Variants in KAZN observed in about 807,000 individuals in gnomAD.
KAZN encodes the protein kazrin.
A neutral mutation model predicts 87.4 loss-of-function variants in KAZN; 40 were observed. The observed-to-expected ratio is 0.46, with a 90% CI of 0.36 to 0.60. The LOEUF (loss-of-function observed/expected upper bound fraction) is 0.60, where lower values mean the gene tolerates loss of function less well. Ranked by LOEUF, KAZN falls within the 20% of genes least tolerant of loss-of-function variation. KAZN has a pLI of 0.00. For missense variants in KAZN, 898 were observed against 1,073.9 expected (o/e 0.84, Z 2.29); for synonymous variants, 466 against 458.3 (o/e 1.02, Z -0.22).
At chr1:14,101,071 G>A (rs999230798) in intron 1 of KAZN, among the ~76,000 whole-genome samples, 5 of 152,176 alleles carry the variant, frequency 3.3e-5, no homozygotes, top group East Asian at 1.9e-4. Context: ...TCTTTCATTC[G>A]TAAATTACCC....
intron 2 of KAZN, among the ~76,000 whole-genome samples, chr1:14,388,605 A>G (rs1036925789): frequency 1.3e-5 from 2 of 152,226 alleles, no homozygotes; most frequent in African/African-American, 4.8e-5. Flanking sequence ...TGGGAAAAAA[A>G]GTCTCTTCAA....
At chr1:14,042,235 C>T (rs1641869477) in intron 1 of KAZN, among the ~76,000 whole-genome samples, 1 of 151,968 alleles carries the variant, frequency 6.6e-6, no homozygotes, top group African/African-American at 2.4e-5. Context: ...ACTCCTTTTA[C>T]AGAACCTGCT....
At chr1:14,429,115 T>C (rs1295943133) in intron 2 of KAZN, among the ~76,000 whole-genome samples, 1 of 152,112 alleles carries the variant, frequency 6.6e-6, no homozygotes, top group Non-Finnish European at 1.5e-5. Flanking sequence ...GGAGGGACCG[T>C]GTCATATAAG....
At chr1:14,710,643 T>C (rs555868059) in intron 1 of KAZN, among the ~76,000 whole-genome samples, 1 of 152,316 alleles carries the variant, frequency 6.6e-6, no homozygotes, top group African/African-American at 2.4e-5. Flanking sequence ...GGATTGATCC[T>C]CACTTCCTGC....
intron 8 of KAZN, among the ~76,000 whole-genome samples, chr1:15,083,576 G>A (rs371957648): frequency 1.8e-4 from 28 of 152,302 alleles, no homozygotes; most frequent in Middle Eastern, 6.8e-3. Context: ...GGACAGACAC[G>A]CAGAGCCCCA....
intron 2 of KAZN, among the ~76,000 whole-genome samples, chr1:14,350,220 A>G (rs1266679841): frequency 1.3e-5 from 2 of 151,740 alleles, no homozygotes; most frequent in Admixed American, 6.6e-5. Flanking sequence ...CTCTGGATCT[A>G]TCTGACCCCT....
At chr1:13,932,008 A>ATTTTTTTTTTTT (rs35231877) in intron 1 of KAZN, among the ~76,000 whole-genome samples, 5 of 122,916 alleles carry the variant, frequency 4.1e-5, no homozygotes, top group African/African-American at 1.6e-4. Flanking sequence ...GGCTTGGCTA[A>ATTTTTTTTTTTT]TTTTTTTTTT....
intron 1 of KAZN, among the ~76,000 whole-genome samples, chr1:14,932,368 A>G (rs1406907447): frequency 2.6e-5 from 4 of 151,986 alleles, no homozygotes; most frequent in Admixed American, 6.5e-5. Flanking sequence ...TGTGTCAGCC[A>G]GACAGTGGAG....
chr1:14,049,696 T>C (rs1161989234), intron 1 of KAZN, among the ~76,000 whole-genome samples: 1 of 152,158 alleles, frequency 6.6e-6, no homozygotes, highest in East Asian at 1.9e-4. Context: ...CTCCTTTCCT[T>C]CTGTTCTTCT....
intron 2 of KAZN, among the ~76,000 whole-genome samples, chr1:14,457,884 C>T (rs2148343762): frequency 6.7e-6 from 1 of 149,110 alleles, no homozygotes; most frequent in East Asian, 2.0e-4. Context: ...GTGGTGCAAT[C>T]TCGGCTCACT....
At chr1:14,338,866 T>C (rs1657474242) in intron 2 of KAZN, among the ~76,000 whole-genome samples, 1 of 152,204 alleles carries the variant, frequency 6.6e-6, no homozygotes, top group Admixed American at 6.5e-5. Flanking sequence ...ATGTTGCTCG[T>C]AGCTGAAAGC....
At chr1:13,945,582 T>A (rs6672979) in intron 1 of KAZN, among the ~76,000 whole-genome samples, 1 of 150,680 alleles carries the variant, frequency 6.6e-6, no homozygotes, top group African/African-American at 2.4e-5. Context: ...TATATAGCAA[T>A]GAATGGTAAA....
At chr1:14,229,509 G>C (rs1333761620) in intron 2 of KAZN, among the ~76,000 whole-genome samples, 1 of 152,232 alleles carries the variant, frequency 6.6e-6, no homozygotes, top group Admixed American at 6.5e-5. Context: ...AAGATGAACA[G>C]ATGTAAAGAA....
intron 1 of KAZN, among the ~76,000 whole-genome samples, chr1:14,693,484 T>TA (rs2148789937): frequency 6.6e-6 from 1 of 152,334 alleles, no homozygotes; most frequent in South Asian, 2.1e-4. Context: ...GGACTCGTCT[T>TA]ACGTTGTTTT....
intron 1 of KAZN, among the ~76,000 whole-genome samples, chr1:14,827,376 A>G (rs574694528): frequency 3.9e-4 from 59 of 152,074 alleles, no homozygotes; most frequent in Non-Finnish European, 7.6e-4. Flanking sequence ...TGTACACTGA[A>G]CCCAACGTGT....
chr1:14,527,403 G>T (rs547928523), intron 2 of KAZN, among the ~76,000 whole-genome samples: 3 of 152,092 alleles, frequency 2.0e-5, no homozygotes, highest in Non-Finnish European at 4.4e-5. Context: ...GCAAAAATTA[G>T]CCAGGCGTGG....
chr1:14,470,930 G>T (rs1308043485), intron 2 of KAZN, among the ~76,000 whole-genome samples: 1 of 152,214 alleles, frequency 6.6e-6, no homozygotes, highest in East Asian at 1.9e-4. Context: ...GGAGCCAGCT[G>T]CATGTTGTGA....
chr1:15,063,134 G>A (rs1201237720), intron 6 of KAZN: 1 of 175,092 alleles, frequency 5.7e-6, no homozygotes, highest in Non-Finnish European at 1.2e-5. Context: ...GGTTGTGGGG[G>A]AAGCTAGAGG....
chr1:14,772,631 C>G (rs946810848), intron 1 of KAZN, among the ~76,000 whole-genome samples: 2 of 152,148 alleles, frequency 1.3e-5, no homozygotes, highest in African/African-American at 4.8e-5. Flanking sequence ...CCTTGACCTG[C>G]CAGGTCACCT....
Sources: gnomAD v4.1 joint callset for allele counts (sites outside exome capture counted in the v4.1 genomes callset) on GRCh38, gnomAD v4.1.1 for gene constraint, MANE v1.5 for transcripts, NCBI Gene and HGNC (gene_info 2026-07-23, HGNC 2026-07-21) for gene names.